Variants in STK3 observed in about 807,000 individuals in gnomAD.
STK3 encodes the protein serine/threonine-protein kinase 3.
Under a neutral mutation model 58.0 loss-of-function variants are expected in STK3, and 41 were observed. That is an observed-to-expected ratio of 0.71 (90% CI 0.55 to 0.92). The LOEUF (loss-of-function observed/expected upper bound fraction) is 0.92. STK3 is among the 40% of genes least tolerant of loss of function. STK3 has a pLI of 0.00. For missense variants in STK3, 479 were observed against 602.7 expected, an observed-to-expected ratio of 0.79 and a Z score of 2.15; for synonymous variants, 170 against 191.0, an observed-to-expected ratio of 0.89 and a Z score of 0.91.
At chr8:98,450,689 GA>G (rs1390819970), downstream of STK3, among the ~76,000 whole-genome samples, 1 of 152,036 alleles carries the variant, frequency 6.6e-6, no homozygotes, top group African/African-American at 2.4e-5. Context: ...AATAATAAAA[GA>G]AAAAAATCTT....
chr8:98,385,613 C>G (rs1047229152), intron 1 of STK3, among the ~76,000 whole-genome samples: 60 of 152,104 alleles, frequency 3.9e-4, no homozygotes, highest in African/African-American at 1.4e-3. Flanking sequence ...AGGAACCTGA[C>G]TCCCCTTCGC....
At chr8:98,623,600 G>C (rs546442168) in intron 6 of STK3, among the ~76,000 whole-genome samples, 3 of 152,078 alleles carry the variant, frequency 2.0e-5, no homozygotes, top group African/African-American at 7.2e-5. Flanking sequence ...CCTGGGCAAC[G>C]TAGCGACAGC....
At chr8:98,889,214 G>A (rs183281185) in intron 1 of STK3, among the ~76,000 whole-genome samples, 17 of 152,320 alleles carry the variant, frequency 1.1e-4, no homozygotes, top group Non-Finnish European at 1.6e-4. Flanking sequence ...AGAACAAGAT[G>A]GTATGAGAGC....
the STK3 span, among the ~76,000 whole-genome samples, chr8:98,364,722 CG>C: frequency 3.9e-5 from 6 of 152,178 alleles, no homozygotes; most frequent in Non-Finnish European, 4.4e-5. Context: ...GTTGGGGATG[CG>C]GGGTGACTCC....
At position 98,416,253 on chromosome 8, in the gene STK3, T is replaced by A. The variant is rs373959016; in HGVS notation, n.484-14740A>T. 1.4e-4 allele frequency among the ~76,000 whole-genome samples: 22 copies of A among 152,264 alleles called. 1 individual carries two copies. Among genetic ancestry groups the A allele is most frequent in the African/African-American group, 3.6e-4 (15 of 41,554 alleles). ...GAGAGCTGGATTTGGGCGATCAAGATGCACTAGAAGACTCTAGCTTTGACA... is the reference window on the plus strand; with the variant it reads ...GAGAGCTGGATTTGGGCGATCAAGAAGCACTAGAAGACTCTAGCTTTGACA... On this transcript the variant is annotated intron_variant and non_coding_transcript_variant, in intron 3 of 3. Coordinates refer to the STK3 transcript ENST00000517832.
At chr8:98,350,532 G>A in the STK3 span, among the ~76,000 whole-genome samples, 20 of 152,250 alleles carry the variant, frequency 1.3e-4, no homozygotes, top group African/African-American at 4.3e-4. Context: ...CCAATTTACT[G>A]TATTAGTCAA....
chr8:98,900,057 T>G (rs1425196747), intron 1 of STK3, among the ~76,000 whole-genome samples: 1 of 152,162 alleles, frequency 6.6e-6, no homozygotes, highest in African/African-American at 2.4e-5. Flanking sequence ...CAGACTGGTT[T>G]CCTTGATTTC....
At chr8:98,907,355 T>C (rs966653181) in intron 1 of STK3, among the ~76,000 whole-genome samples, 62 of 146,890 alleles carry the variant, frequency 4.2e-4, no homozygotes, top group African/African-American at 1.4e-3. Flanking sequence ...TTACTAAAAA[T>C]ACAAAAAAAT....
intron 3 of STK3, among the ~76,000 whole-genome samples, chr8:98,846,969 A>G (rs1187221470): frequency 6.6e-6 from 1 of 152,162 alleles, no homozygotes; most frequent in African/African-American, 2.4e-5. Flanking sequence ...CTTTCTCCCC[A>G]AAAGAAGAAA....
intron 3 of STK3, among the ~76,000 whole-genome samples, chr8:98,751,905 A>G (rs1238360467): frequency 1.3e-5 from 2 of 152,148 alleles, no homozygotes; most frequent in African/African-American, 4.8e-5. Flanking sequence ...GTGTCACTGC[A>G]CTCCAGCCTG....
intron 3 of STK3, among the ~76,000 whole-genome samples, chr8:98,844,124 C>T (rs1564056096): frequency 6.6e-6 from 1 of 152,150 alleles, no homozygotes; most frequent in South Asian, 2.1e-4. Flanking sequence ...CCAGCCTGGG[C>T]GACAGAACAG....
chr8:98,478,462 C>T (rs1444107341), intron 10 of STK3, among the ~76,000 whole-genome samples: 1 of 152,134 alleles, frequency 6.6e-6, no homozygotes, highest in African/African-American at 2.4e-5. Context: ...TGCTGTGAAG[C>T]ATTTTAGCCA....
chr8:98,526,862 C>T lies in STK3; in HGVS notation c.1197G>A (p.Lys399=), dbSNP rs1279699274. 3 of 1,598,158 alleles carry T rather than the reference C, an allele frequency of 1.9e-6. No individual in the cohort carries two copies. Among genetic ancestry groups the T allele is most frequent in the African/African-American group, 1.3e-5 (1 of 74,828 alleles). ...QRPSFMDYFD[K]QDFKNKSHEN... ...CGTGACTCTTATTCTTGAAGTCTTG[C>T]TTATCAAAGTAGTCCATGAAAGATG... Residue 399 remains lysine (K), a synonymous_variant, in exon 10 of 11, where the codon AAG becomes AAA. Coordinates refer to ENST00000419617, the MANE Select transcript of STK3 (RefSeq NM_006281.4).
chr8:98,653,446 T>A (rs1354927755), intron 6 of STK3, among the ~76,000 whole-genome samples: 1 of 151,972 alleles, frequency 6.6e-6, no homozygotes, highest in East Asian at 1.9e-4. Context: ...AGCAAACACA[T>A]TCAAAAGCTA....
intron 7 of STK3, among the ~76,000 whole-genome samples, chr8:98,592,724 A>T (rs1815423854): frequency 6.8e-6 from 1 of 147,902 alleles, no homozygotes; most frequent in African/African-American, 2.5e-5. Context: ...AAGACTGCTC[A>T]CTGACTTACT....
chr8:98,700,940 T>C (rs984944973), intron 6 of STK3, among the ~76,000 whole-genome samples: 1 of 152,114 alleles, frequency 6.6e-6, no homozygotes, highest in Admixed American at 6.5e-5. Context: ...GAGGCGAAGA[T>C]TGCAGTGAGC....
intron 6 of STK3, among the ~76,000 whole-genome samples, chr8:98,652,244 G>T (rs1821008660): frequency 1.3e-5 from 2 of 152,154 alleles, no homozygotes; most frequent in Admixed American, 6.5e-5. Context: ...CTTCATAAGT[G>T]AAGGAGAAAT....
intron 1 of STK3, chr8:98,904,620 G>A: frequency 1.7e-6 from 1 of 598,932 alleles, no homozygotes; most frequent in Non-Finnish European, 3.3e-6. Flanking sequence ...TACCAGGCTC[G>A]GTCCATATAG....
At chr8:98,606,807 T>C (rs1816810444) in intron 6 of STK3, among the ~76,000 whole-genome samples, 1 of 152,208 alleles carries the variant, frequency 6.6e-6, no homozygotes, top group South Asian at 2.1e-4. Flanking sequence ...GTCCTCCTGA[T>C]TAGCATCCTT....
Sources: gnomAD v4.1 joint callset for allele counts (sites outside exome capture counted in the v4.1 genomes callset) on GRCh38, gnomAD v4.1.1 for gene constraint, MANE v1.5 for transcripts, NCBI Gene and HGNC (gene_info 2026-07-23, HGNC 2026-07-21) for gene names.